Variants in RAPGEF4 observed in about 807,000 individuals in gnomAD.
RAPGEF4 encodes the protein RAP guanine-nucleotide-exchange factor (GEF) 4.
Under a neutral mutation model 147.9 loss-of-function variants are expected in RAPGEF4, and 66 were observed. That is an observed-to-expected ratio of 0.45 (90% confidence interval 0.37 to 0.55). The LOEUF (loss-of-function observed/expected upper bound fraction) is 0.55, where lower values mean the gene tolerates loss of function less well. Among genes scored for constraint, RAPGEF4 ranks in the 20% least tolerant of loss-of-function variants. The probability of loss-of-function intolerance (pLI) is 0.00; values close to 1 mark genes in which losing one functional copy is unlikely to be tolerated. For missense variants in RAPGEF4, 1,071 were observed against 1,257.3 expected (o/e 0.85, Z 2.24); for synonymous variants, 419 against 442.7 (o/e 0.95, Z 0.67).
intron 8 of RAPGEF4, among the ~76,000 whole-genome samples, chr2:172,963,880 C>G (rs1293642976): frequency 2.0e-5 from 3 of 152,182 alleles, no homozygotes; most frequent in Non-Finnish European, 4.4e-5. Context: ...TCTAAATCGT[C>G]TAGGGATCAT....
chr2:172,736,037 C>A lies in RAPGEF4; in HGVS notation c.54C>A (p.Cys18Ter), dbSNP rs1175262326. The change falls in exon 1 of 31, where the codon TGC (cysteine) becomes TGA (stop). Residue 18 changes from cysteine to a stop codon, truncating the protein, a stop_gained. Coordinates refer to ENST00000397081, the MANE Select transcript of RAPGEF4 (RefSeq NM_007023.4). LOFTEE classifies it high-confidence loss of function. ...CCTCCTCTGCCGAGTGGATCGCCTG[C>A]CTGGATAAAAGGTAGCTCGCCGGGG... Reference protein sequence around the residue: ...HSSSSAEWIACLDKRPLERSS... With the variant: ...HSSSSAEWIA 1 of 1,441,232 alleles carries A rather than the reference C, an allele frequency of 6.9e-7. No homozygotes were observed. Among genetic ancestry groups the A allele is most frequent in the Non-Finnish European group, 9.1e-7 (1 of 1,100,122 alleles). 89.3% of individuals were successfully genotyped at this position (1,441,232 alleles called of 1,614,324 possible).
chr2:172,850,906 G>C (rs1382379395), intron 4 of RAPGEF4, among the ~76,000 whole-genome samples: 1 of 151,984 alleles, frequency 6.6e-6, no homozygotes, highest in Non-Finnish European at 1.5e-5. Context: ...CTGGTTTCAG[G>C]GATCTTTTGT....
At chr2:172,977,067 C>G (rs1422017520) in intron 10 of RAPGEF4, among the ~76,000 whole-genome samples, 1 of 152,182 alleles carries the variant, frequency 6.6e-6, no homozygotes, top group Non-Finnish European at 1.5e-5. Context: ...CAAGTAAAGA[C>G]CAGGTACATT....
intron 4 of RAPGEF4, among the ~76,000 whole-genome samples, chr2:172,895,015 T>G (rs917719647): frequency 1.3e-5 from 2 of 151,934 alleles, no homozygotes; most frequent in Non-Finnish European, 2.9e-5. Flanking sequence ...GATTTTTGAA[T>G]TTTCTTTAGA....
Position 173,048,618 on chromosome 2 carries a change from G to A in RAPGEF4, c.2872G>A (p.Ala958Thr), listed in dbSNP as rs868049932. 1 of 1,613,920 alleles carries A rather than the reference G, an allele frequency of 6.2e-7. No homozygotes were observed. Among genetic ancestry groups the A allele is most frequent in the Non-Finnish European group, 8.5e-7 (1 of 1,179,962 alleles). Residue 958 changes from alanine to threonine, a missense_variant, in exon 30 of 31, where the codon GCC (alanine) becomes ACC (threonine). Physicochemically the swap from Ala to Thr is moderately conservative, Grantham distance 58. Transcript: ENST00000397081. The part of the protein sequence containing the change: ...FEKMRMIANT[A>T]RTVRYYRSQP... Reference sequence around the variant, plus strand: ...CTTTTAGCGCATGATTGCAAATACGGCCAGAACAGTGAGATACTACAGGAG... The same window carrying A: ...CTTTTAGCGCATGATTGCAAATACGACCAGAACAGTGAGATACTACAGGAG...
At chr2:173,003,599 G>A (rs1183209980) in intron 17 of RAPGEF4, among the ~76,000 whole-genome samples, 1 of 152,110 alleles carries the variant, frequency 6.6e-6, no homozygotes, top group East Asian at 1.9e-4. Context: ...TCAGGGTCCT[G>A]AAGTTACCCC....
chr2:173,008,156 C>G (rs536538044), intron 17 of RAPGEF4, among the ~76,000 whole-genome samples: 1 of 152,260 alleles, frequency 6.6e-6, no homozygotes, highest in African/African-American at 2.4e-5. Context: ...TCACTTGGCA[C>G]TTCTCCTTCT....
At chr2:172,996,595 C>A in intron 16 of RAPGEF4, 41 bp downstream of exon 16, 1 of 1,339,506 alleles carries the variant, frequency 7.5e-7, no homozygotes, top group Non-Finnish European at 1.0e-6. Flanking sequence ...TAAATCCATG[C>A]ATAGCATTGT....
chr2:173,001,482 G>T, intron 17 of RAPGEF4, 138 bp downstream of exon 17: 1 of 1,065,690 alleles, frequency 9.4e-7, no homozygotes, highest in Non-Finnish European at 1.4e-6. Flanking sequence ...ACACTGAAAT[G>T]TGTTTTCCCA....
At chr2:172,797,698 A>G (rs1422162768) in intron 3 of RAPGEF4, 85 bp downstream of exon 3, 2 of 1,036,280 alleles carry the variant, frequency 1.9e-6, no homozygotes, top group Admixed American at 2.4e-5. Flanking sequence ...TTAAAATTAC[A>G]TTTTCAAGTC....
At chr2:172,853,216 T>A (rs1275967061) in intron 4 of RAPGEF4, among the ~76,000 whole-genome samples, 4 of 152,078 alleles carry the variant, frequency 2.6e-5, no homozygotes. Flanking sequence ...GGATTGATAT[T>A]ATTTTTTCCA....
chr2:172,931,182 G>T (rs1378563249), intron 6 of RAPGEF4, among the ~76,000 whole-genome samples: 1 of 102,066 alleles, frequency 9.8e-6, no homozygotes, highest in African/African-American at 3.5e-5. Context: ...TGGGGGGGGG[G>T]GGCGCTGGGG....
intron 2 of RAPGEF4, among the ~76,000 whole-genome samples, chr2:172,797,026 A>T (rs913659294): frequency 2.0e-5 from 3 of 152,344 alleles, no homozygotes; most frequent in Admixed American, 6.5e-5. Flanking sequence ...AAAATTTCTG[A>T]TGAGGATCAT....
intron 4 of RAPGEF4, among the ~76,000 whole-genome samples, chr2:172,843,718 A>G (rs1376956635): frequency 9.3e-6 from 1 of 107,248 alleles, no homozygotes; most frequent in African/African-American, 3.7e-5. Flanking sequence ...TTCATTGCAT[A>G]CATATTATGT....
At position 173,007,365 on chromosome 2, in the gene RAPGEF4, G is replaced by T. The variant is rs144879152; in HGVS notation, c.1658+6021G>T. 2.6e-4 allele frequency among the ~76,000 whole-genome samples: 40 copies of T among 152,306 alleles called. No individual in the cohort carries two copies. The East Asian group carries it at 6.5e-3, about 25-fold the overall frequency. ...TAAAGAAATTGATGGTACAGAAGGC[G>T]CTCCTATGAGCTCAAAGTTAGTAGG... On this transcript the variant is annotated intron_variant, in intron 17 of 30. Transcript: ENST00000397081.
chr2:172,967,795 C>T (rs1690011266), intron 10 of RAPGEF4, among the ~76,000 whole-genome samples: 2 of 152,244 alleles, frequency 1.3e-5, no homozygotes, highest in African/African-American at 4.8e-5. Context: ...CCTAATGCAA[C>T]AGGACAGAGG....
rs146735016 is a variant in RAPGEF4, at chr2:172,960,791, G to A, written c.569G>A (p.Arg190His). Reference sequence around the variant, plus strand: ...CTCATTGAACCTCACGTTCCTCTTCGTCCTGCTAACACCATTACCAAGGTA... The same window carrying A: ...CTCATTGAACCTCACGTTCCTCTTCATCCTGCTAACACCATTACCAAGGTA... The part of the protein sequence containing the change: ...TPLIEPHVPL[R>H]PANTITKVPS... The change falls in exon 7 of 31, where the codon CGT becomes CAT. Residue 190 changes from arginine to histidine, a missense_variant. By Grantham distance (29) the Arg-to-His change is conservative. Transcript: ENST00000397081. 43 of 1,605,050 alleles carry A rather than the reference G, an allele frequency of 2.7e-5. 1 individual carries two copies. In the East Asian group the frequency reaches 4.3e-4, roughly 16 times the overall value.
chr2:172,772,738 C>A (rs1368239210), intron 1 of RAPGEF4, among the ~76,000 whole-genome samples: 1 of 152,194 alleles, frequency 6.6e-6, no homozygotes, highest in Non-Finnish European at 1.5e-5. Context: ...AATAACCAAG[C>A]GTGTGCTTTG....
intron 3 of RAPGEF4, among the ~76,000 whole-genome samples, chr2:172,802,290 C>A (rs1687058610): frequency 6.6e-6 from 1 of 152,128 alleles, no homozygotes; most frequent in Admixed American, 6.5e-5. Flanking sequence ...GGGCAATTTA[C>A]AAAAGAAATG....
Sources: allele counts gnomAD v4.1 joint callset (sites outside exome capture counted in the v4.1 genomes callset), GRCh38; gene constraint gnomAD v4.1.1; transcripts MANE v1.5; gene names NCBI Gene and HGNC (gene_info 2026-07-23, HGNC 2026-07-21).